HIBADH: variants seen among roughly 807,000 people sequenced by gnomAD.
HIBADH encodes the protein 3-hydroxyisobutyrate dehydrogenase.
In HIBADH, 25 loss-of-function variants were observed where a neutral mutation model predicts 36.1. The observed-to-expected ratio is 0.69, with a 90% confidence interval of 0.50 to 0.97. The LOEUF is 0.97. Ranked by LOEUF, HIBADH falls within the 50% of genes least tolerant of loss-of-function variation. The pLI, the probability that HIBADH is intolerant of heterozygous loss-of-function variation, is 0.00. For synonymous variants in HIBADH, 160 were observed against 149.5 expected, an observed-to-expected ratio of 1.07 and a Z score of -0.51; for missense variants, 421 against 418.0, an observed-to-expected ratio of 1.01 and a Z score of -0.06.
At chr7:27,622,787 A>T (rs1406606185) in intron 4 of HIBADH, among the ~76,000 whole-genome samples, 1 of 152,198 alleles carries the variant, frequency 6.6e-6, no homozygotes, top group African/African-American at 2.4e-5. Context: ...ATAATAAAAC[A>T]TCTTTCAACA....
At chr7:27,654,537 G>GT (rs1391510230) in intron 1 of HIBADH, among the ~76,000 whole-genome samples, 1 of 152,158 alleles carries the variant, frequency 6.6e-6, no homozygotes, top group Non-Finnish European at 1.5e-5. Context: ...AACAATGCAA[G>GT]TGAGAAGACA....
intron 2 of HIBADH, among the ~76,000 whole-genome samples, chr7:27,641,052 G>A (rs901168271): frequency 6.6e-6 from 1 of 152,078 alleles, no homozygotes. Flanking sequence ...CACCTTGAAG[G>A]GAGAGAGGAG....
chr7:27,645,376 T>G (rs1020478660), intron 2 of HIBADH, among the ~76,000 whole-genome samples: 11 of 117,812 alleles, frequency 9.3e-5, no homozygotes, highest in South Asian at 2.7e-4. Context: ...TGATTTTTTT[T>G]TTTTTTTTTT....
intron 6 of HIBADH, among the ~76,000 whole-genome samples, 163 bp from the exon 7 acceptor site, chr7:27,531,511 G>A (rs1439482926): frequency 6.6e-6 from 1 of 152,104 alleles, no homozygotes; most frequent in Admixed American, 6.6e-5. Context: ...TTGAATTATA[G>A]AGTACTAAAC....
At chr7:27,596,937 T>C (rs1785043140) in intron 4 of HIBADH, among the ~76,000 whole-genome samples, 1 of 152,120 alleles carries the variant, frequency 6.6e-6, no homozygotes, top group African/African-American at 2.4e-5. Flanking sequence ...TTTAAAAAAG[T>C]AATTTGCAAA....
intron 4 of HIBADH, among the ~76,000 whole-genome samples, chr7:27,543,477 C>A (rs1422477747): frequency 6.6e-6 from 1 of 152,112 alleles, no homozygotes; most frequent in Non-Finnish European, 1.5e-5. Context: ...TTTACCTGGG[C>A]CCTGATCAGC....
At chr7:27,653,610 G>A (rs1414359881) in intron 1 of HIBADH, among the ~76,000 whole-genome samples, 1 of 151,980 alleles carries the variant, frequency 6.6e-6, no homozygotes, top group Non-Finnish European at 1.5e-5. Flanking sequence ...AGTGGCAGGC[G>A]CCTGTAGTCC....
chr7:27,659,556 A>AAAAT lies in HIBADH; in HGVS notation c.91+3138_91+3141dup, dbSNP rs565553757. Among the ~76,000 whole-genome samples the AAAAT allele has an allele frequency of 3.6e-3, 551 of 151,610 alleles. 2 individuals are homozygous for AAAAT. Among genetic ancestry groups the AAAAT allele is most frequent in the African/African-American group, 0.013 (527 of 41,290 alleles). ...ATGGTGAGACCCCATCTCTACAAAA[A>AAAAT]AAATAAATAAATAAATAAAGCCAGG... On this transcript the variant is annotated intron_variant, in intron 1 of 7. Transcript: ENST00000265395.
At chr7:27,605,916 T>C (rs1310138091) in intron 4 of HIBADH, among the ~76,000 whole-genome samples, 2 of 152,166 alleles carry the variant, frequency 1.3e-5, no homozygotes, top group Admixed American at 6.5e-5. Context: ...ACTTAGGTTT[T>C]TGGAAACTGA....
chr7:27,599,990 G>A (rs1015265), intron 4 of HIBADH, among the ~76,000 whole-genome samples: 121,233 of 152,106 alleles, frequency 0.8, 48,760 homozygotes, highest in East Asian at 0.97. Flanking sequence ...TATGGAAGAA[G>A]TAACAGAGAT....
At chr7:27,550,498 C>G (rs752757763) in intron 4 of HIBADH, among the ~76,000 whole-genome samples, 9 of 151,840 alleles carry the variant, frequency 5.9e-5, no homozygotes, top group Non-Finnish European at 1.0e-4. Flanking sequence ...AAACTATTTG[C>G]AATGGCCAGA....
At chr7:27,557,121 CAG>C (rs1214090989) in intron 4 of HIBADH, among the ~76,000 whole-genome samples, 4 of 145,970 alleles carry the variant, frequency 2.7e-5, no homozygotes, top group Non-Finnish European at 5.9e-5. Context: ...GCCTGAACAA[CAG>C]AGTGAGACCC....
rs1562609863 is a variant in HIBADH, at chr7:27,527,917, C to CTTTTTTTTTTTTTTTTTT, written c.853-1546_853-1545insAAAAAAAAAAAAAAAAAA. 7.6e-3 allele frequency among the ~76,000 whole-genome samples: 582 copies of CTTTTTTTTTTTTTTTTTT among 76,956 alleles called. 197 individuals carry two copies. The highest frequency in any genetic ancestry group is 9.0e-3 in the African/African-American group (165 of 18,306). The allele number at this position is 76,956 out of a possible 152,430, so 50.5% of individuals were successfully genotyped here. ...AGGCATTTGCCACCACCACACCCAG[C>CTTTTTTTTTTTTTTTTTT]GTTTTTTTTTTTTTTTTTTTTTTTT... On this transcript the variant is annotated intron_variant, in intron 7 of 7. Coordinates refer to ENST00000265395, the MANE Select transcript of HIBADH (RefSeq NM_152740.4).
At chr7:27,618,044 A>G (rs1785464096) in intron 4 of HIBADH, among the ~76,000 whole-genome samples, 1 of 152,104 alleles carries the variant, frequency 6.6e-6, no homozygotes, top group Non-Finnish European at 1.5e-5. Flanking sequence ...GCTGTGAGAA[A>G]TGACTCCAAG....
chr7:27,562,608 C>CAG (rs1784483990), intron 4 of HIBADH, among the ~76,000 whole-genome samples: 1 of 152,170 alleles, frequency 6.6e-6, no homozygotes, highest in Non-Finnish European at 1.5e-5. Flanking sequence ...CCTCCTACCT[C>CAG]AGCCTCCTGA....
At chr7:27,651,003 A>G (rs1786182010) in intron 1 of HIBADH, among the ~76,000 whole-genome samples, 1 of 152,120 alleles carries the variant, frequency 6.6e-6, no homozygotes, top group African/African-American at 2.4e-5. Flanking sequence ...CTAGTGAGGG[A>G]AAAGAGAGAA....
At chr7:27,624,273 G>A (rs1378526910) in intron 4 of HIBADH, among the ~76,000 whole-genome samples, 2 of 152,100 alleles carry the variant, frequency 1.3e-5, no homozygotes, top group Non-Finnish European at 2.9e-5. Context: ...CAAGAACAAG[G>A]CTAGAGATGC....
intron 4 of HIBADH, among the ~76,000 whole-genome samples, chr7:27,606,887 G>C (rs999074830): frequency 6.6e-6 from 1 of 152,148 alleles, no homozygotes; most frequent in Non-Finnish European, 1.5e-5. Flanking sequence ...GTTTTCAGTA[G>C]AAACTACCAA....
intron 1 of HIBADH, among the ~76,000 whole-genome samples, chr7:27,659,263 T>C (rs1457387453): frequency 2.0e-5 from 3 of 152,266 alleles, no homozygotes; most frequent in Non-Finnish European, 1.5e-5. Flanking sequence ...AGAGGGCCTA[T>C]AGCTGTAGAT....
Sources: allele counts gnomAD v4.1 joint callset (sites outside exome capture counted in the v4.1 genomes callset), GRCh38; gene constraint gnomAD v4.1.1; transcripts MANE v1.5; gene names NCBI Gene and HGNC (gene_info 2026-07-23, HGNC 2026-07-21).